Variants in SORCS1 observed in about 807,000 individuals in gnomAD.
SORCS1 encodes VPS10 domain-containing receptor SorCS1.
A neutral mutation model predicts 146.1 loss-of-function variants in SORCS1; 60 were observed. That is an observed-to-expected ratio of 0.41 (90% CI 0.33 to 0.51). SORCS1 has a LOEUF of 0.51. Ranked by LOEUF, SORCS1 falls within the 20% of genes least tolerant of loss-of-function variation. SORCS1 has a pLI of 0.21. For missense variants in SORCS1, 1,352 were observed against 1,487.6 expected, an observed-to-expected ratio of 0.91 and a Z score of 1.50; for synonymous variants, 637 against 584.0, an observed-to-expected ratio of 1.09 and a Z score of -1.31.
At chr10:106,666,007 A>AT (rs1276329138) in intron 17 of SORCS1, among the ~76,000 whole-genome samples, 1 of 151,916 alleles carries the variant, frequency 6.6e-6, no homozygotes, top group Admixed American at 6.6e-5. Flanking sequence ...CACCTGGCTA[A>AT]TTTTTTGTAT....
intron 1 of SORCS1, among the ~76,000 whole-genome samples, chr10:107,057,708 C>T (rs577013926): frequency 6.6e-6 from 1 of 152,264 alleles, no homozygotes; most frequent in East Asian, 1.9e-4. Context: ...ATTTTTGTTG[C>T]TGTTGATGGA....
intron 2 of SORCS1, among the ~76,000 whole-genome samples, chr10:106,935,284 T>G (rs952180203): frequency 7.9e-5 from 12 of 152,154 alleles, no homozygotes; most frequent in African/African-American, 2.9e-4. Flanking sequence ...CACTGTAACC[T>G]AATTGATCAA....
chr10:107,028,981 A>G (rs1958526606), intron 1 of SORCS1, among the ~76,000 whole-genome samples: 1 of 152,206 alleles, frequency 6.6e-6, no homozygotes, highest in Admixed American at 6.5e-5. Context: ...TGATTATAGG[A>G]AAGGAGTACT....
chr10:106,961,982 C>G (rs1285627619), intron 1 of SORCS1, among the ~76,000 whole-genome samples: 2 of 152,130 alleles, frequency 1.3e-5, no homozygotes, highest in Non-Finnish European at 2.9e-5. Context: ...AGTCAAGAAC[C>G]CTCCCAAGCT....
At chr10:107,022,378 G>A (rs1278416800) in intron 1 of SORCS1, among the ~76,000 whole-genome samples, 2 of 152,180 alleles carry the variant, frequency 1.3e-5, no homozygotes. Flanking sequence ...AGTGGCAGCT[G>A]TAAAGGACAA....
intron 2 of SORCS1, among the ~76,000 whole-genome samples, chr10:106,903,659 C>A (rs970375686): frequency 6.6e-6 from 1 of 152,096 alleles, no homozygotes; most frequent in Non-Finnish European, 1.5e-5. Context: ...AACAAGAAAC[C>A]AAATGTATTT....
the SORCS1 span, among the ~76,000 whole-genome samples, chr10:107,180,369 A>G: frequency 6.8e-6 from 1 of 147,404 alleles, no homozygotes. Context: ...ATTTGAGTTA[A>G]TTTTTGCCAA....
chr10:106,814,102 AC>A (rs1947615823), intron 3 of SORCS1, among the ~76,000 whole-genome samples: 1 of 152,236 alleles, frequency 6.6e-6, no homozygotes, highest in Admixed American at 6.5e-5. Flanking sequence ...ACCTGGACTT[AC>A]AACAAGGTTT....
upstream of SORCS1, among the ~76,000 whole-genome samples, chr10:107,168,995 C>T (rs953161996): frequency 1.3e-5 from 2 of 151,950 alleles, no homozygotes; most frequent in Admixed American, 1.3e-4. Flanking sequence ...ATATATACTC[C>T]CCATTTCTAT....
intron 1 of SORCS1, among the ~76,000 whole-genome samples, chr10:107,000,414 A>G (rs994341986): frequency 1.3e-5 from 2 of 151,684 alleles, no homozygotes; most frequent in Non-Finnish European, 2.9e-5. Flanking sequence ...CCTGGCCAGC[A>G]TGGTGAAACC....
intron 1 of SORCS1, among the ~76,000 whole-genome samples, chr10:107,005,695 A>T (rs1432011503): frequency 6.6e-6 from 1 of 152,140 alleles, no homozygotes; most frequent in East Asian, 1.9e-4. Flanking sequence ...CCACAATAAG[A>T]TTATTTTACT....
chr10:106,788,271 C>T (rs568363106), intron 3 of SORCS1, among the ~76,000 whole-genome samples: 1 of 152,252 alleles, frequency 6.6e-6, no homozygotes, highest in South Asian at 2.1e-4. Context: ...TAAAGCCTAA[C>T]CATATCATTC....
chr10:106,730,821 T>C (rs959580767), intron 5 of SORCS1, among the ~76,000 whole-genome samples: 3 of 152,208 alleles, frequency 2.0e-5, no homozygotes, highest in Non-Finnish European at 4.4e-5. Flanking sequence ...GCTTTATCTC[T>C]AGGATTTTTA....
intron 2 of SORCS1, among the ~76,000 whole-genome samples, chr10:106,951,513 G>GAAAA (rs367987734): frequency 1.8e-5 from 2 of 113,980 alleles, no homozygotes; most frequent in Non-Finnish European, 3.5e-5. Flanking sequence ...CTCCGTCTCT[G>GAAAA]AAAAAAAAAA....
At chr10:106,722,421 G>T (rs1855850407) in intron 6 of SORCS1, among the ~76,000 whole-genome samples, 1 of 152,106 alleles carries the variant, frequency 6.6e-6, no homozygotes. Flanking sequence ...GAGATTTCCA[G>T]TTCTTACCCA....
Position 106,629,262 on chromosome 10 carries a change from T to C in SORCS1, c.2602A>G (p.Thr868Ala). 1.2e-6 allele frequency: 2 copies of C among 1,614,078 alleles called. No homozygotes were observed. Among genetic ancestry groups the C allele is most frequent in the Non-Finnish European group, 1.7e-6 (2 of 1,179,990 alleles). The change falls in exon 19 of 26, where the codon ACC becomes GCC. Residue 868 changes from threonine to alanine, a missense_variant. Transcript: ENST00000263054. ...CCCAGACTGTTGTCCACCTGCACGG[T>C]CACACGGAAAATGCCCACGTTCTGA... Reference protein sequence around the residue: ...VYQNVGIFRVTVQVDNSLGSD... With the variant: ...VYQNVGIFRVAVQVDNSLGSD...
intron 1 of SORCS1, among the ~76,000 whole-genome samples, chr10:106,990,110 A>C (rs564444565): frequency 6.6e-6 from 1 of 152,312 alleles, no homozygotes; most frequent in East Asian, 1.9e-4. Flanking sequence ...CCTCTGGAGT[A>C]GTATAGGGCT....
chr10:107,090,958 G>T (rs1054674576), intron 1 of SORCS1, among the ~76,000 whole-genome samples: 1 of 151,708 alleles, frequency 6.6e-6, no homozygotes, highest in Non-Finnish European at 1.5e-5. Flanking sequence ...ACACACAATT[G>T]GTGAGTGAAA....
At chr10:107,017,392 C>CA (rs1034504520) in intron 1 of SORCS1, among the ~76,000 whole-genome samples, 1 of 152,090 alleles carries the variant, frequency 6.6e-6, no homozygotes, top group African/African-American at 2.4e-5. Flanking sequence ...GCAAACAAAA[C>CA]AAAAAACAGA....
Sources: gnomAD v4.1 joint callset for allele counts (sites outside exome capture counted in the v4.1 genomes callset) on GRCh38, gnomAD v4.1.1 for gene constraint, MANE v1.5 for transcripts, NCBI Gene and HGNC (gene_info 2026-07-23, HGNC 2026-07-21) for gene names.